The following SMC5 variants were observed in gnomAD, a reference collection of about 807,000 sequenced individuals.
SMC5 encodes structural maintenance of chromosomes 5.
SMC5 carries 88 observed loss-of-function variants against 148.3 expected under a neutral mutation model. The observed-to-expected ratio is 0.59, with a 90% confidence interval of 0.50 to 0.71. The LOEUF (loss-of-function observed/expected upper bound fraction) is 0.71. Ranked by LOEUF, SMC5 falls within the 30% of genes least tolerant of loss-of-function variation. SMC5 has a pLI of 0.00. For synonymous variants in SMC5, 421 were observed against 432.8 expected (o/e 0.97, Z 0.34); for missense variants, 1,142 against 1,298.9 (o/e 0.88, Z 1.86).
chr9:70,339,958 C>G (rs571592695), intron 17 of SMC5, among the ~76,000 whole-genome samples: 28 of 151,564 alleles, frequency 1.8e-4, no homozygotes, highest in Admixed American at 1.1e-3. Flanking sequence ...CTTGTTATTT[C>G]GTTTTTGACC....
rs756133746 is a variant in SMC5 at position 70,318,959 on chromosome 9, G to A, written c.2146G>A (p.Gly716Arg). The change falls in exon 15 of 25, where the codon GGA becomes AGA. Residue 716 changes from glycine (G) to arginine (R), a missense_variant. Physicochemically the swap from Gly to Arg is moderately radical, Grantham distance 125 (BLOSUM62 -2). Around this residue, in one of 5 missense-constraint regions of SMC5, gnomAD observed 743 missense variants for 835.7 expected, o/e 0.89. Coordinates refer to ENST00000361138, the MANE Select transcript of SMC5 (RefSeq NM_015110.4). ...GGAACAAAAAATCAGTTCCAAACTAGGAAGGTATCTTTTAGCCTATTCAGG... is the reference window on the plus strand; with the variant it reads ...GGAACAAAAAATCAGTTCCAAACTAAGAAGGTATCTTTTAGCCTATTCAGG... ...QLEQKISSKL[G>R]SLKLMEQDTC... 6.2e-7 allele frequency: 1 copy of A among 1,605,874 alleles called. No individual in the cohort carries two copies. The highest frequency in any genetic ancestry group is 8.5e-7 in the Non-Finnish European group (1 of 1,177,364).
intron 17 of SMC5, among the ~76,000 whole-genome samples, chr9:70,335,114 A>G (rs572764619): frequency 2.8e-4 from 43 of 152,378 alleles, no homozygotes; most frequent in Admixed American, 9.1e-4. Context: ...AGGGCTAAAC[A>G]TATACCTGAC....
At chr9:70,295,092 G>C (rs2035159633) in intron 8 of SMC5, among the ~76,000 whole-genome samples, 1 of 152,080 alleles carries the variant, frequency 6.6e-6, no homozygotes, top group South Asian at 2.1e-4. Context: ...AATAATGGCA[G>C]GAAAAGGTCA....
At chr9:70,342,160 G>A (rs1450614614) in intron 17 of SMC5, among the ~76,000 whole-genome samples, 1 of 149,560 alleles carries the variant, frequency 6.7e-6, no homozygotes, top group African/African-American at 2.5e-5. Flanking sequence ...AACACCGCAT[G>A]TTCTCACTCA....
chr9:70,351,941 A>G (rs10435957), intron 24 of SMC5, among the ~76,000 whole-genome samples: 117,405 of 151,852 alleles, frequency 0.77, 45,610 homozygotes, highest in Admixed American at 0.82. Flanking sequence ...GCTGGGCCTG[A>G]TGGTGCATGC....
intron 10 of SMC5, among the ~76,000 whole-genome samples, chr9:70,304,254 A>G (rs1259276100): frequency 6.6e-6 from 1 of 151,950 alleles, no homozygotes; most frequent in Non-Finnish European, 1.5e-5. Flanking sequence ...TATTATTATT[A>G]TTATTGTAGA....
intron 3 of SMC5, among the ~76,000 whole-genome samples, chr9:70,272,812 A>G (rs2034486704): frequency 6.6e-6 from 1 of 152,230 alleles, no homozygotes; most frequent in South Asian, 2.1e-4. Context: ...AGTCAGAAGA[A>G]TACAGTACTT....
chr9:70,353,952 A>C lies in SMC5; in HGVS notation c.*1621A>C, dbSNP rs189366221. ...TGTCTAAATTAGTACCAGTCATCTT[A>C]TTTCTGCAAAATGAGTATCAATGTG... On this transcript the variant is annotated 3_prime_UTR_variant, in exon 25 of 25. Coordinates refer to ENST00000361138, the MANE Select transcript of SMC5 (RefSeq NM_015110.4). 1.3e-5 allele frequency: 2 copies of C among 152,312 alleles called. No individual in the cohort carries two copies. The highest frequency in any genetic ancestry group is 1.3e-4 in the Admixed American group (2 of 15,300). The allele number at this position is 152,312 out of a possible 1,614,324, so 9.4% of individuals were successfully genotyped here. A position where few individuals can be genotyped will look rare whatever the true frequency, so the allele number is the denominator to read the frequency against.
chr9:70,282,811 T>G (rs1030749573), intron 7 of SMC5, among the ~76,000 whole-genome samples: 1 of 152,174 alleles, frequency 6.6e-6, no homozygotes, highest in Admixed American at 6.5e-5. Context: ...AAGTGAAATA[T>G]GATTTTTTTT....
intron 6 of SMC5, 119 bp downstream of exon 6, chr9:70,281,018 A>G: frequency 9.5e-7 from 1 of 1,050,710 alleles, no homozygotes; most frequent in South Asian, 1.4e-5. Context: ...TTGGCTTTAT[A>G]TGTTATACAT....
Position 70,259,063 on chromosome 9 carries a change from C to G in SMC5, c.-16C>G, listed in dbSNP as rs938111130. On this transcript the variant is annotated 5_prime_UTR_variant, in exon 1 of 25. Transcript: ENST00000361138. The stretch of plus-strand genomic sequence containing the variant: ...GGTGGGAACGGAAGTCGCTGTGGGA[C>G]GCTGAGGAAGCCAGGATGGCGACTC... 3.1e-6 allele frequency: 5 copies of G among 1,594,858 alleles called. No individual in the cohort carries two copies. The African/African-American group carries it at 6.7e-5, about 21-fold the overall frequency.
rs1726307273 is a variant in SMC5 at position 70,354,856 on chromosome 9, A to G, written c.*2525A>G. The G allele has an allele frequency of 6.6e-6, 1 of 152,146 alleles. No individual in the cohort carries two copies. Among genetic ancestry groups the G allele is most frequent in the African/African-American group, 2.4e-5 (1 of 41,436 alleles). The allele number at this position is 152,146 out of a possible 1,614,324, so 9.4% of individuals were successfully genotyped here. ...GGAAATCCTGCTTTGTTGGTAATAAATCAATATTTTTATATTCTTTTGGTG... is the reference window on the plus strand; with the variant it reads ...GGAAATCCTGCTTTGTTGGTAATAAGTCAATATTTTTATATTCTTTTGGTG... On this transcript the variant is annotated 3_prime_UTR_variant, in exon 25 of 25. Transcript: ENST00000361138.
chr9:70,320,241 T>C (rs929838951), intron 15 of SMC5, among the ~76,000 whole-genome samples: 1 of 152,216 alleles, frequency 6.6e-6, no homozygotes, highest in Non-Finnish European at 1.5e-5. Context: ...TGCACATCCA[T>C]GGATTCAACC....
At chr9:70,310,263 G>T (rs986733956) in intron 11 of SMC5, among the ~76,000 whole-genome samples, 1 of 152,210 alleles carries the variant, frequency 6.6e-6, no homozygotes, top group Non-Finnish European at 1.5e-5. Flanking sequence ...AGACTTGAAA[G>T]TCAAAATTAC....
chr9:70,319,694 A>G (rs941393088), intron 15 of SMC5, among the ~76,000 whole-genome samples: 1 of 152,120 alleles, frequency 6.6e-6, no homozygotes, highest in African/African-American at 2.4e-5. Flanking sequence ...GAACTTGTGT[A>G]CTCTGTTACA....
intron 1 of SMC5, among the ~76,000 whole-genome samples, chr9:70,260,393 C>T (rs962832456): frequency 1.3e-5 from 2 of 152,216 alleles, no homozygotes; most frequent in African/African-American, 4.8e-5. Context: ...AGGCGTGAGC[C>T]ACCATGTCCG....
chr9:70,324,796 G>A (rs550638127), intron 17 of SMC5, among the ~76,000 whole-genome samples: 24 of 152,198 alleles, frequency 1.6e-4, no homozygotes, highest in African/African-American at 5.5e-4. Flanking sequence ...CTCAGAATTC[G>A]AGAAAGCACT....
chr9:70,309,473 C>T (rs2118518090), intron 11 of SMC5, among the ~76,000 whole-genome samples: 1 of 151,936 alleles, frequency 6.6e-6, no homozygotes, highest in South Asian at 2.1e-4. Flanking sequence ...TTGGTCCTTT[C>T]AAACCCTGCC....
At position 70,287,631 on chromosome 9, in the gene SMC5, AT is replaced by A. The variant is rs1201565245; in HGVS notation, c.1053+1364del. On this transcript the variant is annotated intron_variant, in intron 8 of 24. Transcript: ENST00000361138. ...GCCTCACCCCTTTTTCTATCCCTTT[AT>A]TTTAAGTCCCAGGCTGCTCATTTAA... Among the ~76,000 whole-genome samples, 7 of 152,188 alleles carry A rather than the reference AT, an allele frequency of 4.6e-5. No individual in the cohort carries two copies. The East Asian group carries it at 1.4e-3, about 29-fold the overall frequency.
Sources: gnomAD v4.1 joint callset for allele counts (sites outside exome capture counted in the v4.1 genomes callset) on GRCh38, gnomAD v4.1.1 for gene constraint, gnomAD v4.1.1 regional missense constraint, MANE v1.5 for transcripts, NCBI Gene and HGNC (gene_info 2026-07-23, HGNC 2026-07-21) for gene names.